MGA: variants seen among roughly 807,000 people sequenced by gnomAD.
The protein encoded by MGA is MAX dimerization protein MGA, also known as MAX gene-associated protein.
MGA carries 40 observed loss-of-function variants against 261.1 expected under a neutral mutation model. That is an observed-to-expected ratio of 0.15 (90% CI 0.12 to 0.20). The LOEUF is 0.20. Among genes scored for constraint, MGA ranks in the 10% least tolerant of loss-of-function variants. The pLI is 1.00. For missense variants in MGA, 3,397 were observed against 3,630.5 expected, an observed-to-expected ratio of 0.94 and a Z score of 1.65; for synonymous variants, 1,302 against 1,290.6, an observed-to-expected ratio of 1.01 and a Z score of -0.19.
intron 10 of MGA, among the ~76,000 whole-genome samples, chr15:41,728,956 T>A (rs940968785): frequency 1.3e-5 from 2 of 152,202 alleles, no homozygotes; most frequent in Non-Finnish European, 2.9e-5. Context: ...TCTGGTATGA[T>A]CTGAAATTTC....
Position 41,742,609 on chromosome 15 carries a change from A to G in MGA, c.4649A>G (p.Gln1550Arg), listed in dbSNP as rs1166850917. The G allele has an allele frequency of 2.0e-5, 32 of 1,613,792 alleles. No homozygotes were observed. Among genetic ancestry groups the G allele is most frequent in the Non-Finnish European group, 2.7e-5 (32 of 1,179,868 alleles). Reference sequence around the variant, plus strand: ...GTGATGAGTAAAGTTGGAGCCTTGCAGCAGAAGATACCTGGAGTTAGCACA... The same window carrying G: ...GTGATGAGTAAAGTTGGAGCCTTGCGGCAGAAGATACCTGGAGTTAGCACA... Residue 1550 changes from glutamine to arginine, a missense_variant, in exon 15 of 24, where the codon CAG (glutamine) becomes CGG (arginine). Around this residue, in one of 9 missense-constraint regions of MGA, gnomAD observed 1,410 missense variants for 1,386.4 expected, o/e 1.02. Coordinates refer to ENST00000219905, the MANE Select transcript of MGA (RefSeq NM_001164273.2).
Position 41,749,332 on chromosome 15 carries a change from C to G in MGA, c.5725C>G (p.Pro1909Ala). 6.2e-7 allele frequency: 1 copy of G among 1,613,970 alleles called. No homozygotes were observed. Among genetic ancestry groups the G allele is most frequent in the Non-Finnish European group, 8.5e-7 (1 of 1,179,886 alleles). The change falls in exon 17 of 24, where the codon CCA (proline) becomes GCA (alanine). Residue 1909 changes from proline to alanine, a missense_variant. This residue lies in a region of MGA where 1,410 missense variants were observed against 1,386.4 expected (regional missense o/e 1.02). Transcript: ENST00000219905. ...GACCCTGAGGATTTCTCCTCCTGAA[C>G]CACAAAGCTTTGCAAGTAAAACAGG...
intron 23 of MGA, among the ~76,000 whole-genome samples, chr15:41,765,537 C>T (rs755026902): frequency 2.6e-5 from 4 of 152,164 alleles, no homozygotes; most frequent in Non-Finnish European, 4.4e-5. Flanking sequence ...ATGAAAGGGT[C>T]TCTTTAGTAA....
At chr15:41,745,003 C>T (rs1035492643) in intron 15 of MGA, among the ~76,000 whole-genome samples, 28 of 152,228 alleles carry the variant, frequency 1.8e-4, no homozygotes, top group African/African-American at 6.7e-4. Context: ...CTCAGCCTCC[C>T]GAGTAGCTGG....
intron 5 of MGA, among the ~76,000 whole-genome samples, chr15:41,703,192 A>C (rs904866117): frequency 7.2e-5 from 11 of 151,960 alleles, no homozygotes; most frequent in Non-Finnish European, 1.5e-4. Context: ...AGTTTCTCAG[A>C]TTTTGTGTTT....
chr15:41,687,429 A>G (rs1866783137), intron 2 of MGA, among the ~76,000 whole-genome samples: 1 of 152,102 alleles, frequency 6.6e-6, no homozygotes, highest in Non-Finnish European at 1.5e-5. Flanking sequence ...TATTTTGTTT[A>G]TGTATTGTCT....
intron 2 of MGA, among the ~76,000 whole-genome samples, chr15:41,690,264 A>G (rs1419302715): frequency 2.0e-5 from 3 of 152,194 alleles, no homozygotes; most frequent in African/African-American, 4.8e-5. Context: ...TGTAGCATGT[A>G]TCTGTACTTC....
intron 12 of MGA, 52 bp downstream of exon 12, chr15:41,734,646 A>G (rs2151772515): frequency 2.2e-6 from 3 of 1,338,612 alleles, no homozygotes; most frequent in East Asian, 2.5e-5. Context: ...TTAGGTCTAG[A>G]TTATAGTAAT....
At chr15:41,732,506 C>T (rs1270515521) in intron 11 of MGA, among the ~76,000 whole-genome samples, 2 of 152,156 alleles carry the variant, frequency 1.3e-5, no homozygotes. Context: ...TTACTTGAGC[C>T]ACTATAATGC....
At chr15:41,742,245 G>A (rs1371339900) in intron 14 of MGA, among the ~76,000 whole-genome samples, 2 of 151,730 alleles carry the variant, frequency 1.3e-5, no homozygotes, top group African/African-American at 4.8e-5. Flanking sequence ...AAAATTAGCT[G>A]GGTTTGGTGG....
At chr15:41,658,040 A>G (rs1357904899), upstream of MGA, among the ~76,000 whole-genome samples, 1 of 152,206 alleles carries the variant, frequency 6.6e-6, no homozygotes, top group African/African-American at 2.4e-5. Flanking sequence ...CTGAATAGGA[A>G]AAGTGTGCAT....
At chr15:41,632,723 T>C (rs2150559177) in intron 1 of MGA, among the ~76,000 whole-genome samples, 1 of 152,072 alleles carries the variant, frequency 6.6e-6, no homozygotes, top group Admixed American at 6.6e-5. Flanking sequence ...ATAAAGCGTT[T>C]CTTTTCTCAA....
At chr15:41,623,635 T>C (rs1347359992) in intron 1 of MGA, among the ~76,000 whole-genome samples, 1 of 151,610 alleles carries the variant, frequency 6.6e-6, no homozygotes, top group African/African-American at 2.4e-5. Flanking sequence ...TCATAGCCAC[T>C]TGGGATGCTT....
At chr15:41,733,568 AAGGTAT>A (rs1389241454) in intron 11 of MGA, among the ~76,000 whole-genome samples, 1 of 152,214 alleles carries the variant, frequency 6.6e-6, no homozygotes, top group Non-Finnish European at 1.5e-5. Context: ...AAAACCACTA[AAGGTAT>A]AAATCAGCAG....
intron 2 of MGA, among the ~76,000 whole-genome samples, chr15:41,694,404 A>T (rs1276427983): frequency 6.6e-6 from 1 of 152,294 alleles, no homozygotes; most frequent in South Asian, 2.1e-4. Flanking sequence ...TCTCAGGGAA[A>T]AAAAAAGTGA....
chr15:41,717,601 T>C (rs1303415470), intron 9 of MGA, among the ~76,000 whole-genome samples: 1 of 152,178 alleles, frequency 6.6e-6, no homozygotes, highest in Non-Finnish European at 1.5e-5. Flanking sequence ...GCTTGCCTTA[T>C]ACTTATTAGA....
intron 5 of MGA, among the ~76,000 whole-genome samples, chr15:41,706,585 CT>C (rs11407130): frequency 1.9e-4 from 26 of 136,484 alleles, no homozygotes; most frequent in Admixed American, 3.9e-4. Context: ...TTTTTTTTCC[CT>C]TTTTTTTTTT....
At chr15:41,733,714 C>T (rs936984644) in intron 11 of MGA, among the ~76,000 whole-genome samples, 2 of 152,158 alleles carry the variant, frequency 1.3e-5, no homozygotes, top group African/African-American at 4.8e-5. Context: ...TATGTTTACT[C>T]AAACATACGC....
chr15:41,676,582 TG>T (rs1245110700), intron 2 of MGA, among the ~76,000 whole-genome samples: 1 of 152,246 alleles, frequency 6.6e-6, no homozygotes, highest in Non-Finnish European at 1.5e-5. Flanking sequence ...GTACATTCTA[TG>T]GCAGGCATTT....
Sources: gnomAD v4.1 joint callset for allele counts (sites outside exome capture counted in the v4.1 genomes callset) on GRCh38, gnomAD v4.1.1 for gene constraint, gnomAD v4.1.1 regional missense constraint, MANE v1.5 for transcripts, NCBI Gene and HGNC (gene_info 2026-07-23, HGNC 2026-07-21) for gene names.